The following FCHSD2 variants were observed in gnomAD, a reference collection of about 807,000 sequenced individuals.
FCHSD2 encodes FCH and double SH3 domains 2, also known as F-BAR and double SH3 domains protein 2.
A neutral mutation model predicts 108.1 loss-of-function variants in FCHSD2; 38 were observed. The observed-to-expected ratio is 0.35, with a 90% CI of 0.27 to 0.46. The LOEUF is 0.46. Among genes scored for constraint, FCHSD2 ranks in the 20% least tolerant of loss-of-function variants. The pLI is 1.00. For synonymous variants in FCHSD2, 279 were observed against 314.7 expected (o/e 0.89, Z 1.20); for missense variants, 751 against 897.8 (o/e 0.84, Z 2.09).
intron 8 of FCHSD2, chr11:72,940,391 A>G: frequency 2.1e-6 from 1 of 485,862 alleles, no homozygotes; most frequent in Non-Finnish European, 3.6e-6. Flanking sequence ...TATTGTTTTA[A>G]TATTAAAGGA....
chr11:73,055,261 T>G (rs1176800167), intron 3 of FCHSD2, among the ~76,000 whole-genome samples: 1 of 151,664 alleles, frequency 6.6e-6, no homozygotes, highest in Non-Finnish European at 1.5e-5. Flanking sequence ...AGATGAGATT[T>G]GGGTGGGGAC....
chr11:73,002,925 G>A (rs192550766), intron 4 of FCHSD2, among the ~76,000 whole-genome samples: 2 of 152,220 alleles, frequency 1.3e-5, no homozygotes, highest in African/African-American at 4.8e-5. Context: ...GCTCCATGAA[G>A]GCAGGGGTGT....
chr11:72,871,087 T>C (rs534546160), intron 12 of FCHSD2, among the ~76,000 whole-genome samples: 2 of 152,324 alleles, frequency 1.3e-5, no homozygotes, highest in East Asian at 3.9e-4. Flanking sequence ...AACTGCTTAT[T>C]CTTTAGCCCT....
chr11:73,075,303 G>A (rs528538343), intron 3 of FCHSD2, among the ~76,000 whole-genome samples: 25 of 152,162 alleles, frequency 1.6e-4, no homozygotes, highest in African/African-American at 5.5e-4. Flanking sequence ...CATTCCTTAG[G>A]TAAATACCCA....
At chr11:72,915,146 A>T (rs190306157) in intron 9 of FCHSD2, among the ~76,000 whole-genome samples, 1,550 of 152,142 alleles carry the variant, frequency 0.01, 34 homozygotes, top group African/African-American at 0.036. Flanking sequence ...TATGAAAAAA[A>T]CTCAACATCA....
At chr11:72,901,099 T>C (rs902594000) in intron 10 of FCHSD2, among the ~76,000 whole-genome samples, 7 of 152,190 alleles carry the variant, frequency 4.6e-5, no homozygotes, top group Non-Finnish European at 8.8e-5. Context: ...TTTTAAACAA[T>C]TGCCAATTGG....
intron 2 of FCHSD2, among the ~76,000 whole-genome samples, chr11:73,093,342 A>C (rs1860000810): frequency 6.6e-6 from 1 of 152,156 alleles, no homozygotes; most frequent in African/African-American, 2.4e-5. Context: ...AGTCCTGGCA[A>C]ATTATTGAAT....
intron 12 of FCHSD2, among the ~76,000 whole-genome samples, chr11:72,881,227 A>T (rs1855080351): frequency 6.6e-6 from 1 of 152,208 alleles, no homozygotes; most frequent in South Asian, 2.1e-4. Context: ...ATGTGTAACC[A>T]CTTTTCTCAA....
At chr11:73,003,737 C>T (rs983852425) in intron 4 of FCHSD2, among the ~76,000 whole-genome samples, 2 of 151,588 alleles carry the variant, frequency 1.3e-5, no homozygotes, top group East Asian at 2.0e-4. Flanking sequence ...CCGCCCGCCT[C>T]GGCCTCCCAA....
chr11:73,066,153 T>C (rs994544390), intron 3 of FCHSD2, among the ~76,000 whole-genome samples: 3 of 152,144 alleles, frequency 2.0e-5, no homozygotes, highest in Non-Finnish European at 4.4e-5. Flanking sequence ...AACAGATACA[T>C]AGACCAATGG....
chr11:72,996,320 C>G (rs922058889), intron 5 of FCHSD2, among the ~76,000 whole-genome samples: 2 of 152,084 alleles, frequency 1.3e-5, no homozygotes, highest in African/African-American at 4.8e-5. Flanking sequence ...GTGTAAAAAT[C>G]AAATGTGACT....
intron 3 of FCHSD2, among the ~76,000 whole-genome samples, chr11:73,019,811 T>G (rs1858058357): frequency 6.6e-6 from 1 of 152,192 alleles, no homozygotes; most frequent in Non-Finnish European, 1.5e-5. Context: ...ACTTTATATT[T>G]AAAGCTACAT....
intron 12 of FCHSD2, among the ~76,000 whole-genome samples, chr11:72,873,369 G>A (rs760667073): frequency 2.6e-5 from 4 of 151,402 alleles, no homozygotes; most frequent in Middle Eastern, 3.5e-3. Flanking sequence ...GCTTATTTAT[G>A]GGTCATTCAT....
chr11:72,843,880 T>TG (rs1861043488), intron 14 of FCHSD2, among the ~76,000 whole-genome samples: 1 of 151,742 alleles, frequency 6.6e-6, no homozygotes, highest in Non-Finnish European at 1.5e-5. Context: ...TGGTGGAACA[T>TG]GCCTGTAGTC....
intron 8 of FCHSD2, 183 bp downstream of exon 8, chr11:72,983,905 C>T (rs1391460147): frequency 5.8e-6 from 4 of 688,480 alleles, no homozygotes; most frequent in Non-Finnish European, 7.9e-6. Context: ...ATTTTCTTAA[C>T]TAAAAATTAA....
chr11:72,899,544 G>C (rs1351608971), intron 10 of FCHSD2, among the ~76,000 whole-genome samples: 1 of 151,840 alleles, frequency 6.6e-6, no homozygotes, highest in Non-Finnish European at 1.5e-5. Flanking sequence ...GCCAGCCTAA[G>C]CAACATGGTG....
At chr11:73,091,250 C>T (rs1210823794) in intron 2 of FCHSD2, among the ~76,000 whole-genome samples, 2 of 152,066 alleles carry the variant, frequency 1.3e-5, no homozygotes, top group African/African-American at 2.4e-5. Flanking sequence ...TGTAAAGACA[C>T]GTTTTAGACC....
chr11:73,001,229 T>C, intron 4 of FCHSD2, 95 bp from the exon 5 acceptor site: 2 of 1,000,808 alleles, frequency 2.0e-6, no homozygotes, highest in Non-Finnish European at 3.0e-6. Flanking sequence ...ACAGAATAAA[T>C]GAATGTCTTC....
intron 3 of FCHSD2, among the ~76,000 whole-genome samples, chr11:73,044,809 G>A (rs1399578780): frequency 2.0e-5 from 3 of 152,072 alleles, no homozygotes; most frequent in Admixed American, 6.6e-5. Flanking sequence ...AGTGGCTCAC[G>A]CCTGTAATCC....
Sources: gnomAD v4.1 joint callset for allele counts (sites outside exome capture counted in the v4.1 genomes callset) on GRCh38, gnomAD v4.1.1 for gene constraint, MANE v1.5 for transcripts, NCBI Gene and HGNC (gene_info 2026-07-23, HGNC 2026-07-21) for gene names.